Variants in CHRNB3 observed in about 807,000 individuals in gnomAD.
The protein encoded by CHRNB3 is neuronal acetylcholine receptor subunit beta-3.
In CHRNB3, 37 loss-of-function variants were observed where a neutral mutation model predicts 40.6. The observed-to-expected ratio is 0.91, with a 90% CI of 0.70 to 1.20. The LOEUF (loss-of-function observed/expected upper bound fraction) is 1.20. Ranked by LOEUF, CHRNB3 falls within the 50% of genes most tolerant of loss-of-function variation. The pLI, the probability that CHRNB3 is intolerant of heterozygous loss-of-function variation, is 0.00. For missense variants in CHRNB3, 505 were observed against 551.2 expected (o/e 0.92, Z 0.84); for synonymous variants, 207 against 207.1 (o/e 1.00, Z 0.00).
intron 2 of CHRNB3, among the ~76,000 whole-genome samples, chr8:42,709,642 G>A (rs115374960): frequency 0.011 from 1,672 of 152,008 alleles, 34 homozygotes; most frequent in African/African-American, 0.039. Flanking sequence ...TATTATTATT[G>A]TTGTTGTTGA....
At chr8:42,708,634 C>A in intron 1 of CHRNB3, 83 bp from the exon 2 acceptor site, 1 of 1,484,884 alleles carries the variant, frequency 6.7e-7, no homozygotes, top group Non-Finnish European at 9.2e-7. Context: ...GTGCAGGAGG[C>A]CAAGGCCACA....
intron 1 of CHRNB3, among the ~76,000 whole-genome samples, chr8:42,703,054 T>C (rs936141357): frequency 2.0e-5 from 3 of 152,132 alleles, no homozygotes; most frequent in South Asian, 2.1e-4. Flanking sequence ...CTTGGCTTTA[T>C]TGTCTTAGCT....
Position 42,732,633 on chromosome 8 carries a change from T to G in CHRNB3, c.1242+84T>G, listed in dbSNP as rs577434677. On this transcript the variant is annotated intron_variant, in intron 5 of 5. Transcript: ENST00000289957. Reference sequence around the variant, plus strand: ...TTGACATCTGTTTACAATAAAATATTGTCATGGTTTAAATGTGACGTTATA... The same window carrying G: ...TTGACATCTGTTTACAATAAAATATGGTCATGGTTTAAATGTGACGTTATA... 3.8e-6 allele frequency: 5 copies of G among 1,305,196 alleles called. No individual in the cohort carries two copies. In the Admixed American group the frequency reaches 1.3e-4, roughly 34 times the overall value. 80.9% of individuals were successfully genotyped at this position (1,305,196 alleles called of 1,614,324 possible).
At chr8:42,719,590 T>C (rs930776378) in intron 3 of CHRNB3, among the ~76,000 whole-genome samples, 11 of 152,092 alleles carry the variant, frequency 7.2e-5, no homozygotes, top group African/African-American at 2.7e-4. Flanking sequence ...GAAACTGCAA[T>C]GAGCTATGAT....
At chr8:42,699,158 A>G (rs1815732736) in intron 1 of CHRNB3, among the ~76,000 whole-genome samples, 1 of 152,168 alleles carries the variant, frequency 6.6e-6, no homozygotes, top group South Asian at 2.1e-4. Context: ...TTGTTATGCA[A>G]AACTACTTTT....
At chr8:42,723,950 A>G (rs1816262231) in intron 3 of CHRNB3, among the ~76,000 whole-genome samples, 1 of 151,914 alleles carries the variant, frequency 6.6e-6, no homozygotes, top group African/African-American at 2.4e-5. Context: ...GCTGGGCGTG[A>G]TGGTGGATGC....
intron 3 of CHRNB3, among the ~76,000 whole-genome samples, chr8:42,721,254 G>A (rs533538957): frequency 6.6e-5 from 10 of 152,270 alleles, no homozygotes; most frequent in African/African-American, 1.9e-4. Flanking sequence ...TTTCACAATC[G>A]GAAAAGTCCA....
intron 3 of CHRNB3, among the ~76,000 whole-genome samples, chr8:42,719,831 C>G (rs1204094545): frequency 1.3e-5 from 2 of 152,088 alleles, no homozygotes; most frequent in Non-Finnish European, 2.9e-5. Flanking sequence ...AAGCACAGTC[C>G]TAGTGTGGAG....
chr8:42,724,749 C>A (rs181099043), intron 3 of CHRNB3, among the ~76,000 whole-genome samples: 4 of 152,046 alleles, frequency 2.6e-5, no homozygotes, highest in East Asian at 1.9e-4. Context: ...GAGGCCGAGG[C>A]GGGCGGATCA....
intron 3 of CHRNB3, among the ~76,000 whole-genome samples, chr8:42,730,266 CTTTTG>C (rs778857137): frequency 2.0e-5 from 3 of 152,246 alleles, no homozygotes; most frequent in Non-Finnish European, 4.4e-5. Flanking sequence ...CATTGCTTTT[CTTTTG>C]TTTGTTTGTT....
chr8:42,735,195 G>C (rs539124010), intron 5 of CHRNB3, among the ~76,000 whole-genome samples: 7 of 151,532 alleles, frequency 4.6e-5, no homozygotes, highest in Non-Finnish European at 1.0e-4. Flanking sequence ...ACTCCAGCCT[G>C]GGCGACAGAG....
At chr8:42,701,601 ATTTC>A (rs1815801340) in intron 1 of CHRNB3, among the ~76,000 whole-genome samples, 1 of 152,128 alleles carries the variant, frequency 6.6e-6, no homozygotes, top group Non-Finnish European at 1.5e-5. Flanking sequence ...CCAAAGGAAA[ATTTC>A]TTTGTCTTAA....
chr8:42,734,969 C>T (rs1816495706), intron 5 of CHRNB3, among the ~76,000 whole-genome samples: 1 of 151,980 alleles, frequency 6.6e-6, no homozygotes, highest in South Asian at 2.1e-4. Flanking sequence ...GCCTGTAATC[C>T]CAGCACTTTG....
chr8:42,726,868 CA>C (rs949628536), intron 3 of CHRNB3, among the ~76,000 whole-genome samples: 17 of 152,164 alleles, frequency 1.1e-4, no homozygotes, highest in African/African-American at 4.1e-4. Flanking sequence ...ACAACAACAA[CA>C]AAAAATCAAG....
At chr8:42,720,454 G>A (rs1352827350) in intron 3 of CHRNB3, among the ~76,000 whole-genome samples, 1 of 151,948 alleles carries the variant, frequency 6.6e-6, no homozygotes, top group East Asian at 1.9e-4. Flanking sequence ...TCTAAATGTC[G>A]TCTCCATGGA....
At position 42,697,395 on chromosome 8, in the gene CHRNB3, G is replaced by A. The variant is rs1396645066; in HGVS notation, c.-152G>A. On this transcript the variant is annotated 5_prime_UTR_variant, in exon 1 of 6. Transcript: ENST00000289957. The stretch of plus-strand genomic sequence containing the variant: ...AGCGGCACACTCGGCGAGAGGGGTT[G>A]AGATTGTTTTATTCCACTCCAGGTG... 3 of 626,518 alleles carry A rather than the reference G, an allele frequency of 4.8e-6. No homozygotes were observed. The highest frequency in any genetic ancestry group is 8.7e-6 in the Non-Finnish European group (3 of 346,802). The allele number at this position is 626,518 out of a possible 1,614,324, so 38.8% of individuals were successfully genotyped here. A position where few individuals can be genotyped will look rare whatever the true frequency, so the allele number is the denominator to read the frequency against.
chr8:42,729,666 G>T (rs565460848), intron 3 of CHRNB3, among the ~76,000 whole-genome samples: 15 of 152,084 alleles, frequency 9.9e-5, no homozygotes, highest in African/African-American at 3.6e-4. Flanking sequence ...GGCATCACTG[G>T]GCTCCGGGAA....
At chr8:42,701,225 T>TAAAAAAAAAA (rs1815789832) in intron 1 of CHRNB3, among the ~76,000 whole-genome samples, 4 of 4,076 alleles carry the variant, frequency 9.8e-4, no homozygotes, top group Non-Finnish European at 3.7e-3. Context: ...AGACTCTGTC[T>TAAAAAAAAAA]CAAAAAAAAA....
In CHRNB3 at chr8:42,730,674, G is replaced by A; in HGVS notation, c.330G>A (p.Leu110=). The change falls in exon 4 of 6, where the codon CTG becomes CTA. Residue 110 remains leucine, a synonymous_variant. Coordinates refer to ENST00000289957, the MANE Select transcript of CHRNB3 (RefSeq NM_000749.5). ...IHSIKVPSES[L]WLPDIVLFEN... is the part of the protein sequence containing the mutation. ...CCATTAAAGTTCCATCAGAATCTCT[G>A]TGGCTTCCTGACATAGTTCTCTTTG... 1 of 1,605,790 alleles carries A rather than the reference G, an allele frequency of 6.2e-7. No homozygotes were observed. Among genetic ancestry groups the A allele is most frequent in the Non-Finnish European group, 8.5e-7 (1 of 1,173,574 alleles).
Sources: allele counts gnomAD v4.1 joint callset (sites outside exome capture counted in the v4.1 genomes callset), GRCh38; gene constraint gnomAD v4.1.1; transcripts MANE v1.5; gene names NCBI Gene and HGNC (gene_info 2026-07-23, HGNC 2026-07-21).